The following SHROOM3 variants were observed in gnomAD, a reference collection of about 807,000 sequenced individuals.
SHROOM3 encodes shroom family member 3, also known as protein Shroom3.
In SHROOM3, 47 loss-of-function variants were observed where a neutral mutation model predicts 138.6. The ratio of observed to expected loss-of-function variants is 0.34; its 90% CI spans 0.27 to 0.43. SHROOM3 has a LOEUF of 0.43. Among genes scored for constraint, SHROOM3 ranks in the 20% least tolerant of loss-of-function variants. The probability of loss-of-function intolerance (pLI) is 1.00; values close to 1 mark genes in which losing one functional copy is unlikely to be tolerated. For synonymous variants in SHROOM3, 1,062 were observed against 1,063.3 expected (o/e 1.00, Z 0.02); for missense variants, 2,491 against 2,596.5 (o/e 0.96, Z 0.88).
intron 2 of SHROOM3, among the ~76,000 whole-genome samples, chr4:76,605,946 T>C (rs1018194702): frequency 3.2e-4 from 43 of 135,252 alleles, no homozygotes; most frequent in Middle Eastern, 3.8e-3. Context: ...TATATATATA[T>C]ACACATATAT....
At chr4:76,629,315 T>C (rs1735241767) in intron 2 of SHROOM3, among the ~76,000 whole-genome samples, 1 of 152,206 alleles carries the variant, frequency 6.6e-6, no homozygotes, top group African/African-American at 2.4e-5. Flanking sequence ...AAGGCCACTG[T>C]GGCTGGGGCA....
At chr4:76,776,153 T>C (rs1722562124) in intron 10 of SHROOM3, among the ~76,000 whole-genome samples, 2 of 152,224 alleles carry the variant, frequency 1.3e-5, no homozygotes, top group Admixed American at 1.3e-4. Context: ...TTTTTGATTA[T>C]GGCCATTCTT....
chr4:76,750,433 G>A (rs890861870), intron 6 of SHROOM3, among the ~76,000 whole-genome samples: 4 of 152,072 alleles, frequency 2.6e-5, no homozygotes, highest in Admixed American at 6.5e-5. Flanking sequence ...AATACTGCAC[G>A]TTCTCACTTA....
At chr4:76,444,490 T>C (rs1384092186) in intron 1 of SHROOM3, among the ~76,000 whole-genome samples, 28 of 122,744 alleles carry the variant, frequency 2.3e-4, no homozygotes, top group South Asian at 9.2e-4. Context: ...CTTTCTTTTT[T>C]TTTTTTTTTT....
chr4:76,772,426 A>G (rs1457084813), intron 10 of SHROOM3, among the ~76,000 whole-genome samples: 1 of 151,910 alleles, frequency 6.6e-6, no homozygotes, highest in Non-Finnish European at 1.5e-5. Context: ...TTTCTTTTTC[A>G]TTGCTCTCAT....
At chr4:76,632,117 G>C (rs998366178) in intron 2 of SHROOM3, among the ~76,000 whole-genome samples, 1 of 152,178 alleles carries the variant, frequency 6.6e-6, no homozygotes, top group African/African-American at 2.4e-5. Flanking sequence ...GGGAACAGCA[G>C]AATTCAGAGT....
intron 3 of SHROOM3, among the ~76,000 whole-genome samples, chr4:76,716,727 T>G (rs1417976423): frequency 6.6e-6 from 1 of 152,252 alleles, no homozygotes; most frequent in Non-Finnish European, 1.5e-5. Flanking sequence ...AATTAACAAG[T>G]GCTTTGTGCT....
intron 2 of SHROOM3, among the ~76,000 whole-genome samples, chr4:76,650,957 A>C (rs1735942975): frequency 6.6e-6 from 1 of 152,244 alleles, no homozygotes; most frequent in Non-Finnish European, 1.5e-5. Flanking sequence ...GCCATGAAAA[A>C]GAATAGAACC....
intron 2 of SHROOM3, among the ~76,000 whole-genome samples, chr4:76,705,762 A>G (rs1720030958): frequency 6.6e-6 from 1 of 152,242 alleles, no homozygotes; most frequent in African/African-American, 2.4e-5. Context: ...TGAGATATAG[A>G]TACTGGAGAA....
chr4:76,465,203 T>C (rs1475299937), intron 1 of SHROOM3, among the ~76,000 whole-genome samples: 2 of 152,246 alleles, frequency 1.3e-5, no homozygotes, highest in Non-Finnish European at 2.9e-5. Flanking sequence ...TATGCATACC[T>C]ATTTATTCCA....
chr4:76,448,293 G>C lies in SHROOM3; in HGVS notation c.168+12073G>C, dbSNP rs148650710. On this transcript the variant is annotated intron_variant, in intron 1 of 10. Coordinates refer to ENST00000296043, the MANE Select transcript of SHROOM3 (RefSeq NM_020859.4). ...GAGTGCCTAAAATCTGACAGCACTG[G>C]GAAACAACAGAAGATGAGGTCACTG... 3.0e-3 allele frequency among the ~76,000 whole-genome samples: 453 copies of C among 152,198 alleles called. 3 individuals are homozygous for C. Among genetic ancestry groups the C allele is most frequent in the African/African-American group, 0.01 (429 of 41,500 alleles).
rs116599251 is a variant in SHROOM3 at position 76,596,435 on chromosome 4, G to A, written c.323+40672G>A. ...TCTAAAAAGAAAAGCAAAAGATGTT[G>A]TGTATAACATCTGGGTTTGTGTAAA... On this transcript the variant is annotated intron_variant, in intron 2 of 10. Transcript: ENST00000296043. Among the ~76,000 whole-genome samples, 523 of 152,236 alleles carry A rather than the reference G, an allele frequency of 3.4e-3. 1 individual carries two copies. Among genetic ancestry groups the A allele is most frequent in the African/African-American group, 0.012 (500 of 41,542 alleles).
chr4:76,701,105 T>C (rs28595011), intron 2 of SHROOM3, among the ~76,000 whole-genome samples: 32,778 of 152,156 alleles, frequency 0.22, 4,296 homozygotes, highest in East Asian at 0.42. Flanking sequence ...TATCTTAATA[T>C]ATCCTGCATC....
chr4:76,613,297 C>G (rs1418740778), intron 2 of SHROOM3, among the ~76,000 whole-genome samples: 2 of 152,154 alleles, frequency 1.3e-5, no homozygotes, highest in South Asian at 2.1e-4. Context: ...CTTCATGGCT[C>G]TAATTGTTAG....
At chr4:76,439,929 T>G (rs1350558003) in intron 1 of SHROOM3, among the ~76,000 whole-genome samples, 1 of 152,232 alleles carries the variant, frequency 6.6e-6, no homozygotes, top group Non-Finnish European at 1.5e-5. Flanking sequence ...CTCTGTAATC[T>G]GTGAACTTCA....
At chr4:76,690,685 A>T (rs1277798196) in intron 2 of SHROOM3, among the ~76,000 whole-genome samples, 1 of 150,728 alleles carries the variant, frequency 6.6e-6, no homozygotes. Context: ...ATTTATTTTG[A>T]TGGTTACCTT....
At chr4:76,451,152 G>A (rs1266088533) in intron 1 of SHROOM3, among the ~76,000 whole-genome samples, 1 of 152,128 alleles carries the variant, frequency 6.6e-6, no homozygotes, top group African/African-American at 2.4e-5. Flanking sequence ...GCTTCGCCAT[G>A]TTGGCCAGAC....
chr4:76,651,204 G>C lies in SHROOM3; in HGVS notation c.324-58952G>C, dbSNP rs1735949164. Among the ~76,000 whole-genome samples, 4 of 151,642 alleles carry C rather than the reference G, an allele frequency of 2.6e-5. 1 individual carries two copies. Among genetic ancestry groups the C allele is most frequent in the Admixed American group, 2.6e-4 (4 of 15,216 alleles). On this transcript the variant is annotated intron_variant, in intron 2 of 10. Transcript: ENST00000296043. The stretch of plus-strand genomic sequence containing the variant: ...AAAACAAAATGGAAAGAATAAATAA[G>C]ACCTACTATTTGAAAGCACAACAGG...
chr4:76,769,317 G>T (rs1722271496), intron 9 of SHROOM3, among the ~76,000 whole-genome samples: 1 of 150,522 alleles, frequency 6.6e-6, no homozygotes, highest in African/African-American at 2.4e-5. Context: ...GAATTTTTGA[G>T]CTGGGGCCTT....
Sources: gnomAD v4.1 joint callset for allele counts (sites outside exome capture counted in the v4.1 genomes callset) on GRCh38, gnomAD v4.1.1 for gene constraint, MANE v1.5 for transcripts, NCBI Gene and HGNC (gene_info 2026-07-23, HGNC 2026-07-21) for gene names.